Variants in ZFP82 observed in about 807,000 individuals in gnomAD.
The protein encoded by ZFP82 is ZFP82 zinc finger protein, also known as zinc finger protein 82 homolog.
In ZFP82, 30 loss-of-function variants were observed where a neutral mutation model predicts 54.0. The observed-to-expected ratio is 0.56, with a 90% CI of 0.42 to 0.75. The LOEUF (loss-of-function observed/expected upper bound fraction) is 0.75, where lower values mean the gene tolerates loss of function less well. ZFP82 is among the 30% of genes least tolerant of loss of function. The pLI is 0.00. For missense variants in ZFP82, 500 were observed against 636.8 expected (o/e 0.79, Z 2.31); for synonymous variants, 194 against 209.5 (o/e 0.93, Z 0.64).
chr19:36,411,846 C>T (rs1285127201), intron 1 of ZFP82, among the ~76,000 whole-genome samples: 2 of 121,616 alleles, frequency 1.6e-5, no homozygotes, highest in African/African-American at 6.4e-5. Context: ...GCCTGGGCAA[C>T]AGAGCAAGAC....
intron 3 of ZFP82, among the ~76,000 whole-genome samples, chr19:36,407,640 G>GCTACAAATCACA (rs1422734825): frequency 2.6e-5 from 4 of 152,128 alleles, no homozygotes; most frequent in Non-Finnish European, 5.9e-5. Flanking sequence ...CGCTGGTGAG[G>GCTACAAATCACA]CTACAAATCA....
Position 36,392,941 on chromosome 19 carries a change from G to C in ZFP82, c.1399C>G (p.Leu467Val), listed in dbSNP as rs1174160649. Reference sequence around the variant, plus strand: ...TCGCCAGTATGAATGCTCTGATGTAGAGTAAGTTTTTGGCGCAATCTAAAG... The same window carrying C: ...TCGCCAGTATGAATGCTCTGATGTACAGTAAGTTTTTGGCGCAATCTAAAG... ...KAFRLRQKLT[L>V]HQSIHTGEKP... Residue 467 changes from leucine to valine, a missense_variant, in exon 5 of 5, where the codon CTA becomes GTA. Transcript: ENST00000392161. 1 of 1,613,906 alleles carries C rather than the reference G, an allele frequency of 6.2e-7. No homozygotes were observed. The highest frequency in any genetic ancestry group is 2.2e-5 in the East Asian group (1 of 44,864).
intron 1 of ZFP82, among the ~76,000 whole-genome samples, chr19:36,418,212 C>T (rs1330522041): frequency 1.1e-4 from 16 of 152,018 alleles, no homozygotes; most frequent in Admixed American, 1.0e-3. Flanking sequence ...GCCACCTGGT[C>T]CGGCCTAGTC....
chr19:36,385,663 G>A (rs1313387236), downstream of ZFP82, among the ~76,000 whole-genome samples: 1 of 152,098 alleles, frequency 6.6e-6, no homozygotes, highest in East Asian at 1.9e-4. Flanking sequence ...ATATAGGGAT[G>A]GCAAAGGCAA....
intron 4 of ZFP82, among the ~76,000 whole-genome samples, chr19:36,404,431 C>T (rs1010460130): frequency 6.6e-6 from 1 of 152,192 alleles, no homozygotes; most frequent in African/African-American, 2.4e-5. Flanking sequence ...TTTATGGTTC[C>T]AACATGACAG....
chr19:36,383,421 A>G (rs2032081657), exon 2 of ZFP82: 1 of 152,136 alleles, frequency 6.6e-6, no homozygotes, highest in African/African-American at 2.4e-5. Flanking sequence ...TAAAAAAAAA[A>G]GTTAAACAAG....
At chr19:36,396,843 T>A (rs1318137268) in intron 4 of ZFP82, among the ~76,000 whole-genome samples, 8 of 141,062 alleles carry the variant, frequency 5.7e-5, no homozygotes, top group African/African-American at 1.1e-4. Flanking sequence ...TCTGTTTCTT[T>A]AAAAAAAAAA....
chr19:36,406,877 T>TGTGGAATTAGCAAATCA (rs1359944897), intron 3 of ZFP82, among the ~76,000 whole-genome samples: 2 of 152,148 alleles, frequency 1.3e-5, no homozygotes, highest in Non-Finnish European at 2.9e-5. Flanking sequence ...TACATGTCAT[T>TGTGGAATTAGCAAATCA]GTGGAATTAG....
At chr19:36,405,186 GAAAA>G (rs35735133) in intron 4 of ZFP82, among the ~76,000 whole-genome samples, 3 of 88,520 alleles carry the variant, frequency 3.4e-5, no homozygotes, top group South Asian at 3.7e-4. Flanking sequence ...CTGCATCTCA[GAAAA>G]AAAAAAAAAA....
At chr19:36,396,061 A>ATTTTTTTTTT (rs34319197) in intron 4 of ZFP82, 1 of 136,840 alleles carries the variant, frequency 7.3e-6, no homozygotes. Flanking sequence ...ACGCCTGGCT[A>ATTTTTTTTTT]TTTTTTTTTT....
chr19:36,398,739 G>A (rs540727871), intron 4 of ZFP82, among the ~76,000 whole-genome samples: 1 of 152,264 alleles, frequency 6.6e-6, no homozygotes, highest in Non-Finnish European at 1.5e-5. Context: ...CAGCTGGAGT[G>A]CAGTGGTGCA....
chr19:36,415,230 A>C (rs1266171052), intron 1 of ZFP82, among the ~76,000 whole-genome samples: 4 of 152,216 alleles, frequency 2.6e-5, no homozygotes, highest in African/African-American at 7.2e-5. Context: ...GCACAGAAAA[A>C]AATGGAAAAG....
rs368863670 is a variant in ZFP82 at position 36,393,059 on chromosome 19, G to A, written c.1281C>T (p.Cys427=). 9.9e-6 allele frequency: 16 copies of A among 1,613,662 alleles called. No homozygotes were observed. The highest frequency in any genetic ancestry group is 5.3e-5 in the African/African-American group (4 of 74,800). The stretch of plus-strand genomic sequence containing the variant: ...GTGAAAGTAGTCTGAAGGCCTTCCC[G>A]CATTCCTTACAGTCATAGGGCTTAA... ...IGVKPYDCKE[C]GKAFRLLSQL... Residue 427 remains cysteine, a synonymous_variant, in exon 5 of 5, where the codon TGC becomes TGT. Coordinates refer to ENST00000392161, the MANE Select transcript of ZFP82 (RefSeq NM_133466.4).
At chr19:36,383,322 A>T (rs935504937) in exon 2 of ZFP82, 4 of 152,256 alleles carry the variant, frequency 2.6e-5, no homozygotes, top group Non-Finnish European at 4.4e-5. Flanking sequence ...TGACTACAGT[A>T]CAACTTGTCA....
chr19:36,415,283 C>T (rs983682225), intron 1 of ZFP82, among the ~76,000 whole-genome samples: 7 of 152,148 alleles, frequency 4.6e-5, no homozygotes, highest in Admixed American at 6.5e-5. Flanking sequence ...GGTGAGACTA[C>T]GGGCAACTTA....
chr19:36,407,018 T>C (rs1439277420), intron 3 of ZFP82, among the ~76,000 whole-genome samples: 2 of 151,958 alleles, frequency 1.3e-5, no homozygotes, highest in East Asian at 3.8e-4. Context: ...TTATTAACTA[T>C]ACTCATCTTG....
intron 3 of ZFP82, among the ~76,000 whole-genome samples, chr19:36,407,631 G>A (rs2032507561): frequency 6.6e-6 from 1 of 152,104 alleles, no homozygotes; most frequent in African/African-American, 2.4e-5. Context: ...TTTCTTTGAC[G>A]CTGGTGAGGC....
chr19:36,403,614 C>T (rs1159534837), intron 4 of ZFP82, among the ~76,000 whole-genome samples: 11 of 97,276 alleles, frequency 1.1e-4, no homozygotes, highest in South Asian at 4.3e-4. Context: ...AGCGAGACTC[C>T]GTCGCAAGAA....
Position 36,392,552 on chromosome 19 carries a change from T to C in ZFP82, c.*189A>G. 1 of 540,482 alleles carries C rather than the reference T, an allele frequency of 1.9e-6. No individual in the cohort carries two copies. Among genetic ancestry groups the C allele is most frequent in the East Asian group, 3.0e-5 (1 of 33,146 alleles). 33.5% of individuals were successfully genotyped at this position (540,482 alleles called of 1,614,324 possible). A position where few individuals can be genotyped will look rare whatever the true frequency, so the allele number is the denominator to read the frequency against. ...ACGGTAAATGTCTTTTTCATTCTTA[T>C]AACAGGATTAGTTTTTAGAACAAAT... is the stretch of plus-strand genomic sequence containing the variant. On this transcript the variant is annotated 3_prime_UTR_variant, in exon 5 of 5. Transcript: ENST00000392161.
Sources: gnomAD v4.1 joint callset for allele counts (sites outside exome capture counted in the v4.1 genomes callset) on GRCh38, gnomAD v4.1.1 for gene constraint, MANE v1.5 for transcripts, NCBI Gene and HGNC (gene_info 2026-07-23, HGNC 2026-07-21) for gene names.